Variants in ITGA2 observed in about 807,000 individuals in gnomAD.
The protein encoded by ITGA2 is integrin subunit alpha 2, also known as integrin alpha-2.
In ITGA2, 101 loss-of-function variants were observed where a neutral mutation model predicts 146.3. The observed-to-expected ratio is 0.69, with a 90% confidence interval of 0.59 to 0.81. ITGA2 has a LOEUF of 0.81. Among genes scored for constraint, ITGA2 ranks in the 40% least tolerant of loss-of-function variants. The pLI, the probability that ITGA2 is intolerant of heterozygous loss-of-function variation, is 0.00. For synonymous variants in ITGA2, 477 were observed against 487.1 expected, an observed-to-expected ratio of 0.98 and a Z score of 0.27; for missense variants, 1,281 against 1,402.7, an observed-to-expected ratio of 0.91 and a Z score of 1.39.
At chr5:52,990,114 T>TC (rs1362226852) in intron 1 of ITGA2, 1 of 155,894 alleles carries the variant, frequency 6.4e-6, no homozygotes, top group African/African-American at 2.4e-5. Context: ...CTGTGTTTCT[T>TC]CCCGGGGGGA....
At chr5:53,025,528 C>T (rs1356909940) in intron 1 of ITGA2, among the ~76,000 whole-genome samples, 4 of 152,182 alleles carry the variant, frequency 2.6e-5, no homozygotes, top group Non-Finnish European at 4.4e-5. Context: ...TACTTAAAGT[C>T]CCCGTTGCTT....
At chr5:52,990,859 A>G (rs984728332) in intron 1 of ITGA2, among the ~76,000 whole-genome samples, 1 of 152,134 alleles carries the variant, frequency 6.6e-6, no homozygotes, top group African/African-American at 2.4e-5. Flanking sequence ...TAATCTACGG[A>G]TTTCAGGTAA....
At chr5:53,057,912 G>GTGTGTT (rs138672396) in intron 9 of ITGA2, 113 bp from the exon 10 acceptor site, 41 of 753,352 alleles carry the variant, frequency 5.4e-5, no homozygotes, top group Non-Finnish European at 8.6e-5. Flanking sequence ...TTGGAACAGT[G>GTGTGTT]TGTGTTTGTG....
At chr5:53,073,907 T>C (rs534049942) in intron 20 of ITGA2, among the ~76,000 whole-genome samples, 1 of 137,208 alleles carries the variant, frequency 7.3e-6, no homozygotes, top group Non-Finnish European at 1.5e-5. Flanking sequence ...AAGTGGCAAC[T>C]ACTTCCTTTA....
intron 4 of ITGA2, among the ~76,000 whole-genome samples, chr5:53,047,990 C>T (rs1744170452): frequency 6.6e-6 from 1 of 152,164 alleles, no homozygotes; most frequent in South Asian, 2.1e-4. Flanking sequence ...ACAGATGAAT[C>T]ACCTGAGGCC....
At chr5:53,027,771 T>A (rs144703311) in intron 2 of ITGA2, among the ~76,000 whole-genome samples, 80 of 152,320 alleles carry the variant, frequency 5.3e-4, no homozygotes, top group Middle Eastern at 6.8e-3. Context: ...GGGCTGTTGT[T>A]GGCTTATCAA....
chr5:53,033,439 T>C (rs1195331073), intron 2 of ITGA2, among the ~76,000 whole-genome samples: 1 of 152,202 alleles, frequency 6.6e-6, no homozygotes, highest in East Asian at 1.9e-4. Flanking sequence ...TGTCTTTGTC[T>C]TTTATGATAT....
intron 1 of ITGA2, among the ~76,000 whole-genome samples, chr5:53,023,713 T>G (rs980059267): frequency 6.6e-6 from 1 of 152,208 alleles, no homozygotes; most frequent in East Asian, 1.9e-4. Context: ...GTTCTTATTA[T>G]CCATATGATT....
At chr5:53,026,651 G>A (rs1253308316) in intron 1 of ITGA2, 97 bp from the exon 2 acceptor site, 13 of 1,100,962 alleles carry the variant, frequency 1.2e-5, no homozygotes, top group Non-Finnish European at 1.8e-5. Flanking sequence ...TAATTATTAG[G>A]TCAAGCAAGT....
intron 1 of ITGA2, among the ~76,000 whole-genome samples, chr5:53,008,778 C>A (rs1257571853): frequency 6.6e-6 from 1 of 152,124 alleles, no homozygotes; most frequent in African/African-American, 2.4e-5. Flanking sequence ...CTTGGGCCCT[C>A]ACTTCCTGAC....
intron 27 of ITGA2, among the ~76,000 whole-genome samples, chr5:53,083,887 A>C (rs1442654734): frequency 1.3e-5 from 2 of 152,148 alleles, no homozygotes. Context: ...GATTGATCTC[A>C]AACCACCTAG....
rs756939690 is a variant in ITGA2 at position 53,090,590 on chromosome 5, C to T, written c.3537C>T (p.Leu1179=). 9.3e-6 allele frequency: 15 copies of T among 1,613,810 alleles called. No homozygotes were observed. The Admixed American group carries it at 1.7e-4, about 18-fold the overall frequency. Reference sequence around the variant, plus strand: ...ATGAGATTGATGAGACCACAGAGCTCAGTAGCTGAACCAGCAGACCTACCT... The same window carrying T: ...ATGAGATTGATGAGACCACAGAGCTTAGTAGCTGAACCAGCAGACCTACCT... ...NPDEIDETTE[L]SS is the part of the protein sequence containing the mutation. Residue 1179 remains leucine (L), a synonymous_variant, in exon 30 of 30, where the codon CTC becomes CTT. Transcript: ENST00000296585.
intron 1 of ITGA2, among the ~76,000 whole-genome samples, chr5:53,012,586 A>G (rs1007316036): frequency 6.6e-6 from 1 of 152,018 alleles, no homozygotes; most frequent in Non-Finnish European, 1.5e-5. Context: ...CTTTATGGTA[A>G]AACAATTTAT....
intron 1 of ITGA2, among the ~76,000 whole-genome samples, chr5:53,000,902 T>TG (rs1276791672): frequency 4.9e-5 from 7 of 144,318 alleles, no homozygotes; most frequent in Non-Finnish European, 9.1e-5. Context: ...TTTTTGTTTT[T>TG]TTTTTTTTTT....
intron 1 of ITGA2, among the ~76,000 whole-genome samples, chr5:53,011,398 T>G (rs1432273802): frequency 1.3e-5 from 2 of 152,154 alleles, no homozygotes; most frequent in African/African-American, 2.4e-5. Flanking sequence ...ATTACAGCAA[T>G]ACAAACAGAC....
At chr5:52,992,977 C>G (rs1741050942) in intron 1 of ITGA2, among the ~76,000 whole-genome samples, 1 of 152,132 alleles carries the variant, frequency 6.6e-6, no homozygotes, top group Non-Finnish European at 1.5e-5. Flanking sequence ...TATGACTACA[C>G]CTGATCATAC....
At chr5:53,039,739 CAAAAAAAAAAAAAA>C (rs1175067104) in intron 2 of ITGA2, among the ~76,000 whole-genome samples, 2 of 33,266 alleles carry the variant, frequency 6.0e-5, no homozygotes, top group Non-Finnish European at 1.1e-4. Flanking sequence ...GACTCCATCT[CAAAAAAAAAAAAAA>C]AAAAAAAAAA....
intron 1 of ITGA2, among the ~76,000 whole-genome samples, chr5:53,019,517 T>C (rs768702699): frequency 7.9e-5 from 12 of 152,110 alleles, no homozygotes; most frequent in Non-Finnish European, 1.8e-4. Flanking sequence ...AGGGCTTGTG[T>C]CTGAGTCACC....
rs143437514 is a variant in ITGA2, at chr5:53,062,446, C to T, written c.1459-340C>T. ...GTTTGCCTTATAAGTATGTCTTTGA[C>T]CCCCTGGCATCAGAAACACCTGGAA... On this transcript the variant is annotated intron_variant, in intron 12 of 29. Coordinates refer to ENST00000296585, the MANE Select transcript of ITGA2 (RefSeq NM_002203.4). Among the ~76,000 whole-genome samples, 80 of 151,968 alleles carry T rather than the reference C, an allele frequency of 5.3e-4. 1 individual carries two copies. The highest frequency in any genetic ancestry group is 3.4e-3 in the Middle Eastern group (1 of 292).
Sources: gnomAD v4.1 joint callset for allele counts (sites outside exome capture counted in the v4.1 genomes callset) on GRCh38, gnomAD v4.1.1 for gene constraint, MANE v1.5 for transcripts, NCBI Gene and HGNC (gene_info 2026-07-23, HGNC 2026-07-21) for gene names.